Variants in ROBO2 observed in about 807,000 individuals in gnomAD.
ROBO2 encodes roundabout guidance receptor 2.
A neutral mutation model predicts 160.8 loss-of-function variants in ROBO2; 53 were observed. The ratio of observed to expected loss-of-function variants is 0.33; its 90% confidence interval spans 0.26 to 0.41. The LOEUF is 0.41. Among genes scored for constraint, ROBO2 ranks in the 10% least tolerant of loss-of-function variants. ROBO2 has a pLI of 1.00. For synonymous variants in ROBO2, 664 were observed against 611.7 expected (o/e 1.09, Z -1.26); for missense variants, 1,577 against 1,722.4 (o/e 0.92, Z 1.49).
At chr3:77,428,062 T>C (rs2078384099) in intron 2 of ROBO2, among the ~76,000 whole-genome samples, 1 of 151,946 alleles carries the variant, frequency 6.6e-6, no homozygotes, top group Admixed American at 6.6e-5. Context: ...TATTCTGACT[T>C]ACCAAGAAAG....
At chr3:76,483,025 T>C (rs2079293055) in intron 2 of ROBO2, among the ~76,000 whole-genome samples, 1 of 152,118 alleles carries the variant, frequency 6.6e-6, no homozygotes, top group Non-Finnish European at 1.5e-5. Context: ...GTAAAATTCA[T>C]TTAGGGAGAT....
At chr3:77,059,421 A>C (rs2066073583) in intron 1 of ROBO2, among the ~76,000 whole-genome samples, 1 of 152,224 alleles carries the variant, frequency 6.6e-6, no homozygotes. Context: ...CATGATTTGG[A>C]GTAGCACTAG....
At chr3:76,508,648 A>G (rs2080919276) in intron 2 of ROBO2, among the ~76,000 whole-genome samples, 2 of 152,314 alleles carry the variant, frequency 1.3e-5, no homozygotes, top group Middle Eastern at 6.8e-3. Context: ...TTGGATCGAC[A>G]TATATTTTTC....
chr3:76,090,004 C>A (rs965526332), intron 2 of ROBO2, among the ~76,000 whole-genome samples: 9 of 152,142 alleles, frequency 5.9e-5, no homozygotes, highest in African/African-American at 2.2e-4. Context: ...ATATACAAAA[C>A]TCAATTGCTT....
intron 2 of ROBO2, among the ~76,000 whole-genome samples, chr3:77,236,620 A>G (rs1035856313): frequency 1.3e-5 from 2 of 152,152 alleles, no homozygotes; most frequent in African/African-American, 4.8e-5. Flanking sequence ...ATAAATGCAT[A>G]ATGATATTTA....
intron 2 of ROBO2, among the ~76,000 whole-genome samples, chr3:76,769,628 C>G (rs1380271393): frequency 3.3e-5 from 5 of 151,428 alleles, no homozygotes; most frequent in Admixed American, 6.6e-5. Flanking sequence ...TGCTTGTAAT[C>G]TACTTTTAAA....
chr3:76,217,201 A>G (rs547862462), intron 2 of ROBO2, among the ~76,000 whole-genome samples: 13 of 152,346 alleles, frequency 8.5e-5, no homozygotes, highest in Non-Finnish European at 1.3e-4. Context: ...AATGTCCACA[A>G]GAGAAAGCAG....
At chr3:76,835,717 T>A (rs1308612984) in intron 2 of ROBO2, among the ~76,000 whole-genome samples, 1 of 152,006 alleles carries the variant, frequency 6.6e-6, no homozygotes, top group African/African-American at 2.4e-5. Flanking sequence ...GTCAAGCGTG[T>A]TGACATATTT....
chr3:77,208,437 T>C (rs1172276250), intron 2 of ROBO2, among the ~76,000 whole-genome samples: 3 of 152,116 alleles, frequency 2.0e-5, no homozygotes, highest in Non-Finnish European at 4.4e-5. Context: ...TTGCAACCAA[T>C]AGATACAGTT....
At chr3:77,408,098 A>AAC (rs1360907539) in intron 2 of ROBO2, among the ~76,000 whole-genome samples, 8 of 140,638 alleles carry the variant, frequency 5.7e-5, no homozygotes, top group African/African-American at 2.1e-4. Context: ...AACAAAAACA[A>AAC]AAAAAAAAAT....
At chr3:76,348,375 T>G (rs1018045284) in intron 2 of ROBO2, among the ~76,000 whole-genome samples, 1 of 152,172 alleles carries the variant, frequency 6.6e-6, no homozygotes, top group Non-Finnish European at 1.5e-5. Flanking sequence ...TTCATTTGCC[T>G]TAAATAGGGA....
At chr3:77,131,685 A>G (rs567186219) in intron 2 of ROBO2, among the ~76,000 whole-genome samples, 1 of 152,252 alleles carries the variant, frequency 6.6e-6, no homozygotes, top group South Asian at 2.1e-4. Context: ...TCTTTACATT[A>G]AAAAAACCTA....
At chr3:76,123,559 C>A (rs1253774038) in intron 2 of ROBO2, among the ~76,000 whole-genome samples, 3 of 152,032 alleles carry the variant, frequency 2.0e-5, no homozygotes, top group Non-Finnish European at 4.4e-5. Flanking sequence ...GGAAATATTA[C>A]TCGCTTATTA....
chr3:76,392,832 AT>A lies in ROBO2; in HGVS notation c.109+455231del, dbSNP rs139613771. Among the ~76,000 whole-genome samples, 615 of 152,316 alleles carry A rather than the reference AT, an allele frequency of 4.0e-3. 5 individuals are homozygous for A. The highest frequency in any genetic ancestry group is 0.014 in the African/African-American group (580 of 41,576). On this transcript the variant is annotated intron_variant, in intron 2 of 26. Coordinates refer to the ROBO2 transcript ENST00000487694. ...ACTTCAAAGGAACTGAATTTTGATC[AT>A]CTTCACAACAATTTGTCTTGTTTGA...
intron 2 of ROBO2, among the ~76,000 whole-genome samples, chr3:76,510,149 G>A (rs1040245246): frequency 6.6e-6 from 1 of 152,154 alleles, no homozygotes; most frequent in Non-Finnish European, 1.5e-5. Flanking sequence ...ATTACTCACT[G>A]TGATTTCTTG....
intron 2 of ROBO2, among the ~76,000 whole-genome samples, chr3:76,346,574 G>A (rs2108238127): frequency 6.6e-6 from 1 of 152,170 alleles, no homozygotes; most frequent in African/African-American, 2.4e-5. Context: ...AGTTAGAAAT[G>A]TGGGCAATGT....
At chr3:76,034,594 A>T (rs2067038209) in intron 2 of ROBO2, among the ~76,000 whole-genome samples, 1 of 150,634 alleles carries the variant, frequency 6.6e-6, no homozygotes, top group Admixed American at 6.6e-5. Context: ...TTGTGGGGGT[A>T]GGAAAAATAT....
chr3:76,218,310 C>G (rs140611219), intron 2 of ROBO2, among the ~76,000 whole-genome samples: 141 of 152,228 alleles, frequency 9.3e-4, no homozygotes, highest in African/African-American at 2.9e-3. Context: ...AAGTTCTGGC[C>G]AGGTCAGTCA....
At chr3:77,424,350 A>G (rs1363859280) in intron 2 of ROBO2, among the ~76,000 whole-genome samples, 3 of 152,204 alleles carry the variant, frequency 2.0e-5, no homozygotes, top group Non-Finnish European at 4.4e-5. Context: ...TAGAAGAGTG[A>G]GCAAACAGAA....
Sources: gnomAD v4.1 joint callset for allele counts (sites outside exome capture counted in the v4.1 genomes callset) on GRCh38, gnomAD v4.1.1 for gene constraint, MANE v1.5 for transcripts, NCBI Gene and HGNC (gene_info 2026-07-23, HGNC 2026-07-21) for gene names.